The following PCDH7 variants were observed in gnomAD, a reference collection of about 807,000 sequenced individuals.
PCDH7 encodes protocadherin-7.
Under a neutral mutation model 58.9 loss-of-function variants are expected in PCDH7, and 17 were observed. The observed-to-expected ratio is 0.29, with a 90% CI of 0.20 to 0.43. The LOEUF (loss-of-function observed/expected upper bound fraction) is 0.43, where lower values mean the gene tolerates loss of function less well. Among genes scored for constraint, PCDH7 ranks in the 20% least tolerant of loss-of-function variants. PCDH7 has a pLI of 1.00. For missense variants in PCDH7, 1,274 were observed against 1,441.0 expected (o/e 0.88, Z 1.88); for synonymous variants, 664 against 616.4 (o/e 1.08, Z -1.14).
At chr4:30,830,237 A>G (rs897112413) in intron 1 of PCDH7, among the ~76,000 whole-genome samples, 4 of 152,090 alleles carry the variant, frequency 2.6e-5, no homozygotes, top group Non-Finnish European at 2.9e-5. Context: ...CACATTATGT[A>G]TGTTGTAGAG....
intron 3 of PCDH7, among the ~76,000 whole-genome samples, chr4:30,985,351 C>T (rs1053309600): frequency 1.3e-5 from 2 of 151,974 alleles, no homozygotes; most frequent in East Asian, 3.9e-4. Context: ...GGTTCCTTTT[C>T]GGGAAACATT....
chr4:31,068,120 T>G lies in PCDH7; in HGVS notation c.*8-74353T>G, dbSNP rs1156959631. The stretch of plus-strand genomic sequence containing the variant: ...TTCTGGCGTTTTCTTACGGGCAAAT[T>G]GGACCTTAAATTTTTTTGCAACATT... On this transcript the variant is annotated intron_variant, in intron 3 of 3. Coordinates refer to the PCDH7 transcript ENST00000509759. Among the ~76,000 whole-genome samples the G allele has an allele frequency of 5.9e-5, 9 of 152,014 alleles. No individual in the cohort carries two copies. In the East Asian group the frequency reaches 1.7e-3, roughly 30 times the overall value.
chr4:30,813,467 A>G (rs13138213), intron 1 of PCDH7, among the ~76,000 whole-genome samples: 52,813 of 151,960 alleles, frequency 0.35, 11,629 homozygotes, highest in African/African-American at 0.63. Context: ...AGGACTGTAT[A>G]AGGCACAATC....
At chr4:30,919,590 C>A (rs898561730) in intron 1 of PCDH7, among the ~76,000 whole-genome samples, 6 of 152,120 alleles carry the variant, frequency 3.9e-5, no homozygotes, top group African/African-American at 1.4e-4. Context: ...GGTCCATAGG[C>A]AATATTTTTA....
intron 1 of PCDH7, among the ~76,000 whole-genome samples, chr4:30,835,373 T>A (rs1730361526): frequency 6.6e-6 from 1 of 152,110 alleles, no homozygotes; most frequent in Non-Finnish European, 1.5e-5. Context: ...GTGAAACCTA[T>A]TGTGAACTGC....
At chr4:31,074,225 C>T (rs1293631753) in intron 3 of PCDH7, among the ~76,000 whole-genome samples, 2 of 151,270 alleles carry the variant, frequency 1.3e-5, no homozygotes, top group East Asian at 1.9e-4. Context: ...TATTCTATCT[C>T]CTTCTATCTC....
At chr4:31,075,368 T>C (rs1758897866) in intron 3 of PCDH7, among the ~76,000 whole-genome samples, 1 of 152,188 alleles carries the variant, frequency 6.6e-6, no homozygotes, top group Non-Finnish European at 1.5e-5. Context: ...ACTGAGATCA[T>C]GGAGCTGGTT....
intron 3 of PCDH7, among the ~76,000 whole-genome samples, chr4:31,114,228 C>T (rs945047099): frequency 2.0e-5 from 3 of 152,042 alleles, no homozygotes; most frequent in Admixed American, 6.6e-5. Flanking sequence ...TAGAAATTGC[C>T]TAATGTAATT....
chr4:31,106,434 G>A (rs139048875), intron 3 of PCDH7, among the ~76,000 whole-genome samples: 53 of 152,310 alleles, frequency 3.5e-4, no homozygotes, highest in African/African-American at 1.3e-3. Flanking sequence ...ACTATAGAAT[G>A]TAGCTGTTCT....
intron 1 of PCDH7, among the ~76,000 whole-genome samples, chr4:30,803,186 G>A (rs1273529376): frequency 1.3e-5 from 2 of 152,110 alleles, no homozygotes; most frequent in Non-Finnish European, 2.9e-5. Context: ...GGTGATGAGA[G>A]AGGAAAATTT....
At chr4:30,769,592 T>A (rs2109277074) in intron 1 of PCDH7, among the ~76,000 whole-genome samples, 1 of 152,340 alleles carries the variant, frequency 6.6e-6, no homozygotes, top group East Asian at 1.9e-4. Flanking sequence ...ATACACTCTA[T>A]CATGCATGTT....
At chr4:31,053,953 G>A (rs1756948970) in intron 3 of PCDH7, among the ~76,000 whole-genome samples, 1 of 152,056 alleles carries the variant, frequency 6.6e-6, no homozygotes, top group African/African-American at 2.4e-5. Flanking sequence ...CCTGGACCCT[G>A]GAACAACTTT....
chr4:30,833,775 G>A (rs374305141), intron 1 of PCDH7, among the ~76,000 whole-genome samples: 3 of 152,174 alleles, frequency 2.0e-5, no homozygotes, highest in South Asian at 4.1e-4. Context: ...AAGAAACTGC[G>A]TTGTTACATG....
chr4:31,136,109 T>A (rs1254727978), intron 3 of PCDH7, among the ~76,000 whole-genome samples: 1 of 152,210 alleles, frequency 6.6e-6, no homozygotes, highest in Non-Finnish European at 1.5e-5. Flanking sequence ...TGAATCTAGA[T>A]CACCTGGCTA....
intron 3 of PCDH7, among the ~76,000 whole-genome samples, chr4:31,007,590 T>C (rs1362123607): frequency 6.6e-6 from 1 of 152,086 alleles, no homozygotes; most frequent in African/African-American, 2.4e-5. Context: ...TTTATGGTTT[T>C]TTTTTTTTTT....
intron 1 of PCDH7, among the ~76,000 whole-genome samples, chr4:30,894,480 AAAAAAAAAAAATATATATAT>A (rs1357393401): frequency 1.3e-4 from 7 of 55,262 alleles, no homozygotes; most frequent in African/African-American, 5.0e-4. Context: ...AAAAAAAAAA[AAAAAAAAAAAATATATATAT>A]ATATATATAT....
chr4:30,992,332 G>A (rs1165054192), intron 3 of PCDH7, among the ~76,000 whole-genome samples: 2 of 152,090 alleles, frequency 1.3e-5, no homozygotes, highest in African/African-American at 4.8e-5. Context: ...TATCAACAGT[G>A]CCACTGGGTT....
At position 30,723,798 on chromosome 4, in the gene PCDH7, T is replaced by C. The variant is rs758213185; in HGVS notation, c.2376T>C (p.Phe792=). The C allele has an allele frequency of 6.2e-7, 1 of 1,614,146 alleles. No homozygotes were observed. Among genetic ancestry groups the C allele is most frequent in the Admixed American group, 1.7e-5 (1 of 60,020 alleles). Residue 792 remains phenylalanine (F), a synonymous_variant, in exon 1 of 2, where the codon TTT becomes TTC. Transcript: ENST00000361762. The surrounding 1 kb of genome is among the most constrained non-coding windows in gnomAD (Gnocchi z 4.6). Reference sequence around the variant, plus strand: ...TGGGAGGAAATCCCTTCAAGCTGTTTGAAATTGATCCCACTAGTGGTGTGG... The same window carrying C: ...TGGGAGGAAATCCCTTCAAGCTGTTCGAAATTGATCCCACTAGTGGTGTGG...
intron 3 of PCDH7, among the ~76,000 whole-genome samples, chr4:30,975,288 G>A (rs1230774592): frequency 6.6e-6 from 1 of 151,814 alleles, no homozygotes; most frequent in Non-Finnish European, 1.5e-5. Flanking sequence ...TTTATGAAAA[G>A]CCATGAAAAA....
Sources: gnomAD v4.1 joint callset for allele counts (sites outside exome capture counted in the v4.1 genomes callset) on GRCh38, gnomAD v4.1.1 for gene constraint, Gnocchi (gnomAD v3.1) non-coding constraint, MANE v1.5 for transcripts, NCBI Gene and HGNC (gene_info 2026-07-23, HGNC 2026-07-21) for gene names.